Variants in RCSD1 observed in about 807,000 individuals in gnomAD.
RCSD1 encodes capZ-interacting protein.
Under a neutral mutation model 42.5 loss-of-function variants are expected in RCSD1, and 26 were observed. The ratio of observed to expected loss-of-function variants is 0.61; its 90% CI spans 0.45 to 0.85. RCSD1 has a LOEUF of 0.85. RCSD1 is among the 40% of genes least tolerant of loss of function. The pLI is 0.00. For synonymous variants in RCSD1, 220 were observed against 212.2 expected (o/e 1.04, Z -0.32); for missense variants, 571 against 528.3 (o/e 1.08, Z -0.79).
At chr1:167,699,244 T>C (rs1659585298) in intron 6 of RCSD1, among the ~76,000 whole-genome samples, 1 of 152,214 alleles carries the variant, frequency 6.6e-6, no homozygotes, top group Non-Finnish European at 1.5e-5. Context: ...AGGGTCGCCA[T>C]AAAAAATTAC....
At chr1:167,692,660 T>A (rs1370821628) in intron 4 of RCSD1, among the ~76,000 whole-genome samples, 1 of 152,172 alleles carries the variant, frequency 6.6e-6, no homozygotes, top group Non-Finnish European at 1.5e-5. Flanking sequence ...TGCACCCAGC[T>A]TCATATGCTG....
intron 1 of RCSD1, chr1:167,642,108 G>A (rs1016473434): frequency 2.0e-5 from 3 of 152,198 alleles, no homozygotes; most frequent in African/African-American, 7.2e-5. Flanking sequence ...CTTTTGGAAG[G>A]TTCCTAACTA....
intron 1 of RCSD1, among the ~76,000 whole-genome samples, chr1:167,650,338 C>T (rs547999351): frequency 6.6e-5 from 10 of 152,230 alleles, no homozygotes; most frequent in African/African-American, 2.2e-4. Context: ...AGCTGTGAGG[C>T]GTTCACCTCC....
chr1:167,647,442 G>A (rs1248113327), intron 1 of RCSD1, among the ~76,000 whole-genome samples: 1 of 148,858 alleles, frequency 6.7e-6, no homozygotes, highest in African/African-American at 2.5e-5. Flanking sequence ...AAAAAAAATA[G>A]CAGTGCATGG....
intron 1 of RCSD1, among the ~76,000 whole-genome samples, chr1:167,659,787 C>T (rs554012486): frequency 2.0e-5 from 3 of 152,150 alleles, no homozygotes; most frequent in Admixed American, 1.3e-4. Context: ...TTTCTCAGCT[C>T]TCTTCTATAT....
At chr1:167,649,753 T>C (rs896698014) in intron 1 of RCSD1, among the ~76,000 whole-genome samples, 3 of 152,242 alleles carry the variant, frequency 2.0e-5, no homozygotes, top group Non-Finnish European at 2.9e-5. Flanking sequence ...GACAAGAATT[T>C]TCTATCTAAG....
chr1:167,677,756 GT>G lies in RCSD1; in HGVS notation c.7-6142del, dbSNP rs1296482212. On this transcript the variant is annotated intron_variant, in intron 1 of 6. Coordinates refer to ENST00000367854, the MANE Select transcript of RCSD1 (RefSeq NM_052862.4). The stretch of plus-strand genomic sequence containing the variant: ...CAGGTGAGCAGGAGACTGACTTAGA[GT>G]TCTGTCCTTTGTCCCGCACCTGTGA... Among the ~76,000 whole-genome samples, 3 of 152,160 alleles carry G rather than the reference GT, an allele frequency of 2.0e-5. No individual in the cohort carries two copies. In the South Asian group the frequency reaches 6.2e-4, roughly 32 times the overall value.
Position 167,697,407 on chromosome 1 carries a change from T to C in RCSD1, c.783T>C (p.Gly261=), listed in dbSNP as rs1659525107. ...GGGCCACAGAGGAAGCCAAGAACGG[T>C]GAAAAGGCCAGGCGGAGTTCAGAGG... The part of the protein sequence containing the change: ...EDRATEEAKN[G]EKARRSSEEV... Residue 261 remains glycine (G), a synonymous_variant, in exon 6 of 7, where the codon GGT becomes GGC. Transcript: ENST00000367854. The C allele has an allele frequency of 1.2e-6, 2 of 1,612,018 alleles. No individual in the cohort carries two copies. Among genetic ancestry groups the C allele is most frequent in the East Asian group, 4.5e-5 (2 of 44,764 alleles).
chr1:167,641,128 A>G (rs1657994010), intron 1 of RCSD1, among the ~76,000 whole-genome samples: 1 of 152,134 alleles, frequency 6.6e-6, no homozygotes, highest in South Asian at 2.1e-4. Flanking sequence ...CTCAGCTATA[A>G]TTCTCTGTTC....
At chr1:167,638,637 G>C (rs920901873) in intron 1 of RCSD1, among the ~76,000 whole-genome samples, 3 of 152,180 alleles carry the variant, frequency 2.0e-5, no homozygotes, top group African/African-American at 7.2e-5. Context: ...CCAGCTCAAG[G>C]CTTGGTGCTT....
chr1:167,678,462 T>C (rs1659002310), intron 1 of RCSD1, among the ~76,000 whole-genome samples: 1 of 137,338 alleles, frequency 7.3e-6, no homozygotes, highest in Admixed American at 7.7e-5. Flanking sequence ...AAGTCAAACC[T>C]TCAGGAGTCA....
chr1:167,648,254 T>G (rs545513533), intron 1 of RCSD1, among the ~76,000 whole-genome samples: 1 of 152,382 alleles, frequency 6.6e-6, no homozygotes, highest in South Asian at 2.1e-4. Flanking sequence ...TGCTTTTACT[T>G]TCTCCTTATT....
intron 1 of RCSD1, among the ~76,000 whole-genome samples, chr1:167,669,495 C>A (rs932123450): frequency 5.9e-5 from 9 of 152,238 alleles, no homozygotes; most frequent in African/African-American, 2.2e-4. Flanking sequence ...GGCAGGGCCT[C>A]TTTTGGTCTC....
intron 1 of RCSD1, among the ~76,000 whole-genome samples, chr1:167,650,187 A>G (rs1247919502): frequency 6.6e-6 from 1 of 152,224 alleles, no homozygotes; most frequent in African/African-American, 2.4e-5. Flanking sequence ...GAAAGAATAT[A>G]AAAGACTCCA....
chr1:167,674,934 C>CAT (rs1558085161), intron 1 of RCSD1, among the ~76,000 whole-genome samples: 1 of 152,024 alleles, frequency 6.6e-6, no homozygotes, highest in Non-Finnish European at 1.5e-5. Flanking sequence ...CAGCCGGGTG[C>CAT]GGTGGCTCAC....
chr1:167,632,412 A>T (rs959915838), intron 1 of RCSD1, among the ~76,000 whole-genome samples: 16 of 152,190 alleles, frequency 1.1e-4, no homozygotes, highest in Non-Finnish European at 5.9e-5. Context: ...GAAAACAAGG[A>T]GGGTCTCCTT....
At position 167,668,705 on chromosome 1, in the gene RCSD1, T is replaced by TAATG. The variant is rs1301085875; in HGVS notation, c.7-15183_7-15180dup. 7.0e-5 allele frequency among the ~76,000 whole-genome samples: 9 copies of TAATG among 129,320 alleles called. No homozygotes were observed. In the East Asian group the frequency reaches 1.9e-3, roughly 28 times the overall value. The allele number at this position is 129,320 out of a possible 152,430, so 84.8% of individuals were successfully genotyped here. A position where few individuals can be genotyped will look rare whatever the true frequency, so the allele number is the denominator to read the frequency against. The stretch of plus-strand genomic sequence containing the variant: ...AACTGCAGGGCCTGGAATACAGAAA[T>TAATG]AATGAATGAATGAATATGTCCAAGA... On this transcript the variant is annotated intron_variant, in intron 1 of 6. Coordinates refer to ENST00000367854, the MANE Select transcript of RCSD1 (RefSeq NM_052862.4).
At chr1:167,692,996 G>A (rs1007889500) in intron 4 of RCSD1, among the ~76,000 whole-genome samples, 1 of 152,196 alleles carries the variant, frequency 6.6e-6, no homozygotes, top group African/African-American at 2.4e-5. Context: ...AAAAGGTTTG[G>A]ACAGACAAAG....
In RCSD1 at chr1:167,660,475, GT is replaced by G. The variant is rs60178930; in HGVS notation, c.7-23412del. ...CATTGGCTCCTTAATTCACTGTTTT[GT>G]TTTTTTTTTTTTAGAAACAGGGTCT... On this transcript the variant is annotated intron_variant, in intron 1 of 6. Transcript: ENST00000367854. Among the ~76,000 whole-genome samples the G allele has an allele frequency of 6.2e-3, 884 of 142,660 alleles. 7 individuals carry two copies. The highest frequency in any genetic ancestry group is 0.019 in the African/African-American group (739 of 39,366). 93.6% of individuals were successfully genotyped at this position (142,660 alleles called of 152,430 possible). A position where few individuals can be genotyped will look rare whatever the true frequency, so the allele number is the denominator to read the frequency against.
Sources: allele counts gnomAD v4.1 joint callset (sites outside exome capture counted in the v4.1 genomes callset), GRCh38; gene constraint gnomAD v4.1.1; transcripts MANE v1.5; gene names NCBI Gene and HGNC (gene_info 2026-07-23, HGNC 2026-07-21).